The following POU6F2 variants were observed in gnomAD, a reference collection of about 807,000 sequenced individuals.
POU6F2 encodes POU class 6 homeobox 2.
A neutral mutation model predicts 71.3 loss-of-function variants in POU6F2; 31 were observed. The ratio of observed to expected loss-of-function variants is 0.43; its 90% CI spans 0.33 to 0.59. The LOEUF (loss-of-function observed/expected upper bound fraction) is 0.59, where lower values mean the gene tolerates loss of function less well. Ranked by LOEUF, POU6F2 falls within the 20% of genes least tolerant of loss-of-function variation. POU6F2 has a pLI of 0.04. For missense variants in POU6F2, 783 were observed against 856.8 expected (o/e 0.91, Z 1.07); for synonymous variants, 347 against 355.7 (o/e 0.98, Z 0.27).
chr7:39,190,346 G>A (rs1793635902), intron 2 of POU6F2, among the ~76,000 whole-genome samples: 1 of 129,452 alleles, frequency 7.7e-6, no homozygotes, highest in African/African-American at 2.9e-5. Context: ...GCTTGGGATT[G>A]AAAGAGCACA....
chr7:39,130,261 T>A (rs78311063), intron 2 of POU6F2, among the ~76,000 whole-genome samples: 16,914 of 151,710 alleles, frequency 0.11, 1,028 homozygotes, highest in Middle Eastern at 0.15. Flanking sequence ...ACAAAATGAA[T>A]GAAGGTAATG....
chr7:39,048,385 C>G (rs1297361873), intron 1 of POU6F2, among the ~76,000 whole-genome samples: 1 of 151,682 alleles, frequency 6.6e-6, no homozygotes, highest in African/African-American at 2.4e-5. Flanking sequence ...CAAGTAGGCC[C>G]CAGTGTCTGT....
Position 39,104,446 on chromosome 7 carries a change from T to C in POU6F2, c.277+18415T>C, listed in dbSNP as rs142340322. ...TTGATCTGCCCGGTGGCTGGAACCT[T>C]AGCTGGGCTTGGTGGCCAGAGTAGC... On this transcript the variant is annotated intron_variant, in intron 2 of 9. Coordinates refer to ENST00000518318, the MANE Select transcript of POU6F2 (RefSeq NM_001370959.1). 2.0e-3 allele frequency among the ~76,000 whole-genome samples: 303 copies of C among 152,332 alleles called. 1 individual carries two copies. Among genetic ancestry groups the C allele is most frequent in the African/African-American group, 7.1e-3 (295 of 41,584 alleles).
intron 1 of POU6F2, among the ~76,000 whole-genome samples, chr7:39,049,042 C>G (rs965104406): frequency 1.3e-5 from 2 of 151,870 alleles, no homozygotes; most frequent in African/African-American, 2.4e-5. Context: ...AGGGTTGGTA[C>G]TGATGTTACC....
chr7:39,114,416 A>T (rs1311481682), intron 2 of POU6F2, among the ~76,000 whole-genome samples: 1 of 152,140 alleles, frequency 6.6e-6, no homozygotes, highest in East Asian at 1.9e-4. Flanking sequence ...AACCCCTTTA[A>T]GTGAAGATTA....
At chr7:39,418,842 C>T (rs1248243950) in intron 6 of POU6F2, among the ~76,000 whole-genome samples, 2 of 150,398 alleles carry the variant, frequency 1.3e-5, no homozygotes, top group Non-Finnish European at 3.0e-5. Context: ...GTGTAAGTGC[C>T]TAATACAGTG....
chr7:39,033,196 T>C (rs1789985060), intron 1 of POU6F2, among the ~76,000 whole-genome samples: 1 of 152,210 alleles, frequency 6.6e-6, no homozygotes, highest in South Asian at 2.1e-4. Flanking sequence ...AAACAACACA[T>C]ATATATTAGG....
At chr7:39,068,347 G>T (rs996030606) in intron 1 of POU6F2, among the ~76,000 whole-genome samples, 10 of 152,032 alleles carry the variant, frequency 6.6e-5, no homozygotes, top group African/African-American at 2.2e-4. Context: ...CCAAGACCTA[G>T]TTGGAAGCAC....
At chr7:39,389,938 A>G (rs563829033) in intron 5 of POU6F2, among the ~76,000 whole-genome samples, 2 of 152,242 alleles carry the variant, frequency 1.3e-5, no homozygotes, top group South Asian at 4.2e-4. Context: ...GAACCACTTT[A>G]TAGTTTTTCC....
At chr7:39,254,444 A>G (rs1388274995) in intron 4 of POU6F2, among the ~76,000 whole-genome samples, 1 of 152,130 alleles carries the variant, frequency 6.6e-6, no homozygotes, top group Non-Finnish European at 1.5e-5. Context: ...AGCTGCTTCA[A>G]GAAAGAGGGT....
At chr7:39,270,437 G>A (rs1467611803) in intron 4 of POU6F2, among the ~76,000 whole-genome samples, 1 of 152,222 alleles carries the variant, frequency 6.6e-6, no homozygotes, top group African/African-American at 2.4e-5. Flanking sequence ...ACAGTTTGAT[G>A]TCAGAGATCA....
At chr7:39,276,079 G>A (rs1343627844) in intron 4 of POU6F2, among the ~76,000 whole-genome samples, 2 of 152,116 alleles carry the variant, frequency 1.3e-5, no homozygotes, top group Non-Finnish European at 2.9e-5. Context: ...AAGAGCTTCT[G>A]CACAGCAAAA....
chr7:39,451,295 T>C (rs930896056), intron 7 of POU6F2, among the ~76,000 whole-genome samples: 1 of 149,492 alleles, frequency 6.7e-6, no homozygotes, highest in East Asian at 2.0e-4. Flanking sequence ...ACAAGCCAAG[T>C]AGGGAATTAA....
chr7:39,227,344 G>A (rs1009117031), intron 4 of POU6F2, among the ~76,000 whole-genome samples: 5 of 151,714 alleles, frequency 3.3e-5, no homozygotes, highest in African/African-American at 1.2e-4. Flanking sequence ...TCTCTAATAA[G>A]AAAAGTGCTA....
chr7:39,434,385 C>A (rs1242748121), intron 7 of POU6F2, among the ~76,000 whole-genome samples: 1 of 151,944 alleles, frequency 6.6e-6, no homozygotes, highest in African/African-American at 2.4e-5. Flanking sequence ...CATCTTTGTG[C>A]CCCTGTTACC....
intron 1 of POU6F2, among the ~76,000 whole-genome samples, chr7:38,980,699 T>A (rs1452164644): frequency 6.6e-6 from 1 of 152,208 alleles, no homozygotes; most frequent in East Asian, 1.9e-4. Context: ...ATAATTATTA[T>A]TTTTGTCTTT....
intron 7 of POU6F2, among the ~76,000 whole-genome samples, 177 bp from the exon 8 acceptor site, chr7:39,451,356 G>A (rs1788653599): frequency 7.7e-6 from 1 of 129,220 alleles, no homozygotes; most frequent in African/African-American, 3.2e-5. Flanking sequence ...GTGGCAATAT[G>A]TGCTCTACAA....
At chr7:39,380,372 A>G (rs1786802672) in intron 5 of POU6F2, among the ~76,000 whole-genome samples, 1 of 152,186 alleles carries the variant, frequency 6.6e-6, no homozygotes, top group Admixed American at 6.5e-5. Flanking sequence ...TGTGTTGGGT[A>G]TCTGGCACAT....
chr7:39,446,424 C>T (rs1390026764), intron 7 of POU6F2, among the ~76,000 whole-genome samples: 2 of 152,192 alleles, frequency 1.3e-5, no homozygotes, highest in African/African-American at 4.8e-5. Context: ...GCATTTTAGT[C>T]CATTTTCCAA....
Sources: gnomAD v4.1 joint callset for allele counts (sites outside exome capture counted in the v4.1 genomes callset) on GRCh38, gnomAD v4.1.1 for gene constraint, MANE v1.5 for transcripts, NCBI Gene and HGNC (gene_info 2026-07-23, HGNC 2026-07-21) for gene names.